Variants in MYH1 observed in about 807,000 individuals in gnomAD.
MYH1 encodes the protein myosin-1.
In MYH1, 214 loss-of-function variants were observed where a neutral mutation model predicts 225.6. That is an observed-to-expected ratio of 0.95 (90% confidence interval 0.85 to 1.06). The LOEUF is 1.06. Among genes scored for constraint, MYH1 ranks in the 50% least tolerant of loss-of-function variants. MYH1 has a pLI of 0.00. For missense variants in MYH1, 2,098 were observed against 2,344.2 expected, an observed-to-expected ratio of 0.89 and a Z score of 2.17; for synonymous variants, 774 against 842.3, an observed-to-expected ratio of 0.92 and a Z score of 1.40.
rs372860467 is a variant in MYH1, at chr17:10,516,395, C to T, written c.204+44G>A. ...TCAAAAAGTAAGTGCTAACTTAACC[C>T]AAAATGAGGCAGAGTCTAATCAGCT... On this transcript the variant is annotated intron_variant, in intron 3 of 39. Coordinates refer to ENST00000226207, the MANE Select transcript of MYH1 (RefSeq NM_005963.4). 1.8e-4 allele frequency: 291 copies of T among 1,614,118 alleles called. No homozygotes were observed. In the African/African-American group the frequency reaches 3.6e-3, roughly 20 times the overall value.
At chr17:10,500,140 G>C (rs901011537) in intron 28 of MYH1, among the ~76,000 whole-genome samples, 1 of 152,178 alleles carries the variant, frequency 6.6e-6, no homozygotes, top group Non-Finnish European at 1.5e-5. Context: ...TGGACAAGTT[G>C]CTTCATCACT....
rs369663470 is a variant in MYH1, at chr17:10,498,972, A to C, written c.3984+2T>G. 33 of 1,609,636 alleles carry C rather than the reference A, an allele frequency of 2.1e-5. No individual in the cohort carries two copies. The African/African-American group carries it at 4.0e-4, about 20-fold the overall frequency. ...ATGACAAGAATGACAAGTGGAGCTT[A>C]CCTTTATCTCCTCTTCAAGTTGCCT... On this transcript the variant is annotated splice_donor_variant, in intron 29 of 39. Transcript: ENST00000226207. LOFTEE classifies it high-confidence loss of function.
intron 9 of MYH1, 96 bp from the exon 10 acceptor site, chr17:10,513,061 C>T (rs2073188797): frequency 1.3e-6 from 1 of 770,032 alleles, no homozygotes; most frequent in Non-Finnish European, 2.2e-6. Flanking sequence ...TCTCACTGGC[C>T]TCTTGAGATT....
chr17:10,500,523 G>A (rs2073041421), intron 28 of MYH1, 103 bp downstream of exon 28: 1 of 1,533,730 alleles, frequency 6.5e-7, no homozygotes, highest in Non-Finnish European at 8.8e-7. Flanking sequence ...GATCTCCCAG[G>A]GAGGTAGTAT....
At position 10,512,972 on chromosome 17, in the gene MYH1, C is replaced by T. The variant is rs369125231; in HGVS notation, c.806-7G>A. 1.5e-4 allele frequency: 239 copies of T among 1,588,660 alleles called. 1 individual carries two copies. The highest frequency in any genetic ancestry group is 5.7e-4 in the South Asian group (51 of 90,136). ...CTAGACTTCTCCAGAAGATCTGCAA[C>T]GGATAGTAGACATCAGATTATGGGG... On this transcript the variant is annotated splice_polypyrimidine_tract_variant and splice_region_variant and intron_variant, in intron 9 of 39. Transcript: ENST00000226207.
rs1352447318 is a variant in MYH1, at chr17:10,492,681, T to G, written c.5668-113A>C. On this transcript the variant is annotated intron_variant, in intron 39 of 39. Transcript: ENST00000226207. ...AAAATGATTCACTCTAGCAGATATT[T>G]TAAGAAACCTAGAGAAATGCTCTTG... 2.5e-6 allele frequency: 3 copies of G among 1,191,690 alleles called. No homozygotes were observed. In the African/African-American group the frequency reaches 4.7e-5, roughly 19 times the overall value. The allele number at this position is 1,191,690 out of a possible 1,614,324, so 73.8% of individuals were successfully genotyped here. A position where few individuals can be genotyped will look rare whatever the true frequency, so the allele number is the denominator to read the frequency against.
In MYH1 at chr17:10,501,775, T is replaced by A. The variant is rs1421846869; in HGVS notation, c.3248A>T (p.Lys1083Met). 1 of 1,613,790 alleles carries A rather than the reference T, an allele frequency of 6.2e-7. No homozygotes were observed. Among genetic ancestry groups the A allele is most frequent in the East Asian group, 2.2e-5 (1 of 44,880 alleles). ...IENDKQQLDE[K>M]LKKKEFEMSG... is the part of the protein sequence containing the mutation. The stretch of plus-strand genomic sequence containing the variant: ...ACCTAAAACTGCTTACTTTTTAAGC[T>A]TTTCATCAAGTTGTTGTTTGTCATT... Residue 1083 changes from lysine (K) to methionine (M), a missense_variant, in exon 25 of 40, where the codon AAG (lysine) becomes ATG (methionine). Transcript: ENST00000226207.
intron 2 of MYH1, among the ~76,000 whole-genome samples, 173 bp downstream of exon 2, chr17:10,518,067 A>T (rs2073246914): frequency 6.6e-6 from 1 of 152,200 alleles, no homozygotes; most frequent in Non-Finnish European, 1.5e-5. Context: ...TGAGTTAAGG[A>T]GAACCAGTTT....
At position 10,497,108 on chromosome 17, in the gene MYH1, T is replaced by A. The variant is rs3764850; in HGVS notation, c.4617A>T (p.Gln1539His). Residue 1539 changes from glutamine to histidine, a missense_variant, in exon 33 of 40, where the codon CAA becomes CAT. By Grantham distance (24) the Gln-to-His change is conservative. Transcript: ENST00000226207. ...AGGCAGCCTGAAGTTCAGACTTTTC[T>A]TGCTCAACTTGCTTCTTTATTTTTT... The part of the protein sequence containing the change: ...ELEKIKKQVE[Q>H]EKSELQAALE... The A allele has an allele frequency of 1.5e-5, 24 of 1,614,144 alleles. No homozygotes were observed. In the East Asian group the frequency reaches 5.3e-4, roughly 36 times the overall value.
intron 24 of MYH1, among the ~76,000 whole-genome samples, chr17:10,502,208 TC>T (rs1044395173): frequency 4.4e-4 from 67 of 152,324 alleles, no homozygotes; most frequent in African/African-American, 1.5e-3. Context: ...TGCTAATACT[TC>T]CAAACCATGA....
At chr17:10,494,884 T>A in intron 37 of MYH1, 47 bp downstream of exon 37, 1 of 1,613,918 alleles carries the variant, frequency 6.2e-7, no homozygotes, top group Non-Finnish European at 8.5e-7. Context: ...CAGAATCGTG[T>A]GTTGGATTGG....
intron 12 of MYH1, 33 bp downstream of exon 12, chr17:10,512,375 C>G (rs758489107): frequency 2.5e-6 from 4 of 1,614,090 alleles, no homozygotes; most frequent in Admixed American, 1.7e-5. Flanking sequence ...CCTATATTCT[C>G]TCATTAAACC....
At position 10,492,562 on chromosome 17, in the gene MYH1, G is replaced by T. The variant is rs1294635751; in HGVS notation, c.5674C>A (p.Gln1892Lys). Residue 1892 changes from glutamine (Q) to lysine (K), a missense_variant, in exon 40 of 40, where the codon CAA becomes AAA. By Grantham distance (53) the Gln-to-Lys change is moderately conservative. Transcript: ENST00000226207. ...YKRQAEEAEE[Q>K]SNVNLSKFRR... ...AATTTGGAGAGGTTGACGTTGGATT[G>T]TTCCTCCTGTGAATGGAAATCCATT... 1 of 1,609,852 alleles carries T rather than the reference G, an allele frequency of 6.2e-7. No individual in the cohort carries two copies. The highest frequency in any genetic ancestry group is 2.2e-5 in the East Asian group (1 of 44,730).
intron 17 of MYH1, 127 bp from the exon 18 acceptor site, chr17:10,506,226 CAA>C (rs2073111240): frequency 5.7e-6 from 7 of 1,218,064 alleles, no homozygotes; most frequent in South Asian, 1.5e-5. Context: ...TGAAAATTTT[CAA>C]AGAGTTATCT....
chr17:10,492,426 C>T lies in MYH1; in HGVS notation c.5810G>A (p.Ser1937Asn), dbSNP rs771610502. The part of the protein sequence containing the change: ...KSREVHTKII[S>N]EE The stretch of plus-strand genomic sequence containing the variant: ...CAGCAGTTAGATAAATTACTCTTCA[C>T]TTATGATTTTTGTGTGAACCTCCCT... Residue 1937 changes from serine (S) to asparagine (N), a missense_variant, in exon 40 of 40, where the codon AGT (serine) becomes AAT (asparagine). Coordinates refer to ENST00000226207, the MANE Select transcript of MYH1 (RefSeq NM_005963.4). 9 of 1,613,824 alleles carry T rather than the reference C, an allele frequency of 5.6e-6. No individual in the cohort carries two copies. The South Asian group carries it at 8.8e-5, about 16-fold the overall frequency.
rs199620630 is a variant in MYH1, at chr17:10,507,882, G to A, written c.1968+4C>T. 3.7e-6 allele frequency: 6 copies of A among 1,610,118 alleles called. No homozygotes were observed. The African/African-American group carries it at 6.7e-5, about 18-fold the overall frequency. On this transcript the variant is annotated splice_donor_region_variant and intron_variant, in intron 17 of 39. Coordinates refer to ENST00000226207, the MANE Select transcript of MYH1 (RefSeq NM_005963.4). ...TAATTAGACAGAGAAAATGAAGTTT[G>A]TACCCTGAAGAGAGCAGACACAGTC...
chr17:10,508,895 C>T (rs996128427), intron 15 of MYH1, among the ~76,000 whole-genome samples: 2 of 152,276 alleles, frequency 1.3e-5, no homozygotes, highest in East Asian at 3.9e-4. Flanking sequence ...CAGAGTAAGA[C>T]AGATGAAGGC....
In MYH1 at chr17:10,504,809, C is replaced by T. The variant is rs752529662; in HGVS notation, c.2691+1G>A. ...GCAGGAAATGACTTCGGGATACTCA[C>T]AGCTTGAACCTGGAGTTGCAAGTCA... On this transcript the variant is annotated splice_donor_variant, in intron 22 of 39. Transcript: ENST00000226207. LOFTEE classifies it high-confidence loss of function. 2 of 1,613,712 alleles carry T rather than the reference C, an allele frequency of 1.2e-6. No individual in the cohort carries two copies. Among genetic ancestry groups the T allele is most frequent in the South Asian group, 2.2e-5 (2 of 91,014 alleles).
intron 37 of MYH1, 117 bp downstream of exon 37, chr17:10,494,814 T>C (rs1390794999): frequency 1.6e-5 from 26 of 1,594,096 alleles, no homozygotes; most frequent in Non-Finnish European, 2.0e-5. Context: ...CTTTTGGGCA[T>C]GAGGGAATAG....
Sources: gnomAD v4.1 joint callset for allele counts (sites outside exome capture counted in the v4.1 genomes callset) on GRCh38, gnomAD v4.1.1 for gene constraint, MANE v1.5 for transcripts, NCBI Gene and HGNC (gene_info 2026-07-23, HGNC 2026-07-21) for gene names.